The following FCGR3B variants were observed in gnomAD, a reference collection of about 807,000 sequenced individuals.
FCGR3B encodes low affinity immunoglobulin gamma Fc region receptor III-B.
FCGR3B carries 20 observed loss-of-function variants against 26.7 expected under a neutral mutation model. That is an observed-to-expected ratio of 0.75 (90% CI 0.53 to 1.09). The LOEUF is 1.09. Ranked by LOEUF, FCGR3B falls within the 50% of genes least tolerant of loss-of-function variation. FCGR3B has a pLI of 0.00. For synonymous variants in FCGR3B, 79 were observed against 107.0 expected (o/e 0.74, Z 1.62); for missense variants, 191 against 279.7 (o/e 0.68, Z 2.26).
At chr1:161,631,326 G>A, upstream of FCGR3B, 1 of 1,027,502 alleles carries the variant, frequency 9.7e-7, no homozygotes, top group Non-Finnish European at 1.4e-6. Context: ...AGGTGGGTGG[G>A]TGTGCCCCCT....
In FCGR3B at chr1:161,624,309, T is replaced by C. The variant is rs1397451987; in HGVS notation, c.*206A>G. The C allele has an allele frequency of 9.7e-6, 6 of 617,892 alleles. No homozygotes were observed. The highest frequency in any genetic ancestry group is 2.9e-5 in the East Asian group (1 of 34,804). The allele number at this position is 617,892 out of a possible 1,614,324, so 38.3% of individuals were successfully genotyped here. A position where few individuals can be genotyped will look rare whatever the true frequency, so the allele number is the denominator to read the frequency against. On this transcript the variant is annotated 3_prime_UTR_variant, in exon 5 of 5. Transcript: ENST00000650385. ...CCTTCCACTGGAGACCAAGGAAAAATCGAGAGTTGGATAAAGGATCTGGCT... is the reference window on the plus strand; with the variant it reads ...CCTTCCACTGGAGACCAAGGAAAAACCGAGAGTTGGATAAAGGATCTGGCT...
In FCGR3B at chr1:161,626,238, C is replaced by T. The variant is rs200914601; in HGVS notation, c.484G>A (p.Ala162Thr). The change falls in exon 4 of 5, where the codon GCC (alanine) becomes ACC (threonine). Residue 162 changes from alanine to threonine, a missense_variant. Transcript: ENST00000650385. The stretch of plus-strand genomic sequence containing the variant: ...TAGGAGCCGCTATCTTTGAGTGTGG[C>T]TTTTGGAATGTGGAAGTCAGAATTA... Reference protein sequence around the residue: ...HHNSDFHIPKATLKDSGSYFC... With the variant: ...HHNSDFHIPKTTLKDSGSYFC... 6.2e-7 allele frequency: 1 copy of T among 1,608,668 alleles called. No individual in the cohort carries two copies. Among genetic ancestry groups the T allele is most frequent in the Admixed American group, 1.7e-5 (1 of 59,620 alleles).
intron 3 of FCGR3B, among the ~76,000 whole-genome samples, chr1:161,627,605 C>A (rs567629459): frequency 3.3e-5 from 5 of 150,392 alleles, no homozygotes; most frequent in Admixed American, 2.7e-4. Flanking sequence ...AAGCCATGTG[C>A]CTATCTATCC....
At position 161,630,811 on chromosome 1, in the gene FCGR3B, T is replaced by G. The variant is rs513491; in HGVS notation, c.40+244A>C. Reference sequence around the variant, plus strand: ...CTAGTCGAAGCTCTTTGGTTCCACATAGTGATTCTGGGACCCAGAGGGGTG... The same window carrying G: ...CTAGTCGAAGCTCTTTGGTTCCACAGAGTGATTCTGGGACCCAGAGGGGTG... On this transcript the variant is annotated intron_variant, in intron 1 of 4. Coordinates refer to ENST00000650385, the MANE Select transcript of FCGR3B (RefSeq NM_001244753.2). The G allele has an allele frequency of 3.7e-4, 320 of 860,144 alleles. 4 individuals carry two copies. Among genetic ancestry groups the G allele is most frequent in the African/African-American group, 2.9e-3 (163 of 55,324 alleles). 53.3% of individuals were successfully genotyped at this position (860,144 alleles called of 1,614,324 possible). A position where few individuals can be genotyped will look rare whatever the true frequency, so the allele number is the denominator to read the frequency against.
chr1:161,624,150 C>T lies in FCGR3B; in HGVS notation c.*365G>A. ...TTTTGTATGTTTAAAGGATTACCAT[C>T]CCTAGCCTGTATTGTTGCTTTGCTG... On this transcript the variant is annotated 3_prime_UTR_variant, in exon 5 of 5. Coordinates refer to ENST00000650385, the MANE Select transcript of FCGR3B (RefSeq NM_001244753.2). The T allele has an allele frequency of 8.9e-6, 2 of 225,446 alleles. No homozygotes were observed. Among genetic ancestry groups the T allele is most frequent in the Non-Finnish European group, 1.8e-5 (2 of 113,670 alleles). The allele number at this position is 225,446 out of a possible 1,614,324, so 14.0% of individuals were successfully genotyped here. A position where few individuals can be genotyped will look rare whatever the true frequency, so the allele number is the denominator to read the frequency against.
At position 161,625,066 on chromosome 1, in the gene FCGR3B, C is replaced by T. The variant is rs1457877154; in HGVS notation, c.578-427G>A. 2.8e-5 allele frequency among the ~76,000 whole-genome samples: 4 copies of T among 144,730 alleles called. 1 individual carries two copies. The highest frequency in any genetic ancestry group is 6.2e-5 in the Non-Finnish European group (4 of 65,038). 94.9% of individuals were successfully genotyped at this position (144,730 alleles called of 152,430 possible). A position where few individuals can be genotyped will look rare whatever the true frequency, so the allele number is the denominator to read the frequency against. On this transcript the variant is annotated intron_variant, in intron 4 of 4. Coordinates refer to ENST00000650385, the MANE Select transcript of FCGR3B (RefSeq NM_001244753.2). ...TGACCAGAATAGTATAAAGAAATCT[C>T]GTATATCCTTTACCCAGATCCACTC...
chr1:161,631,517 G>T (rs1291935219), upstream of FCGR3B: 6 of 460,974 alleles, frequency 1.3e-5, no homozygotes, highest in Admixed American at 1.5e-4. Context: ...TTCTCTGAGG[G>T]CTTCCTGCAT....
chr1:161,630,826 C>T (rs1352671207), intron 1 of FCGR3B: 8 of 1,000,340 alleles, frequency 8.0e-6, no homozygotes, highest in Non-Finnish European at 1.1e-5. Context: ...ATTCTGGGAC[C>T]CAGAGGGGTG....
At chr1:161,626,478 C>A in intron 3 of FCGR3B, 76 bp from the exon 4 acceptor site, 2 of 1,320,954 alleles carry the variant, frequency 1.5e-6, no homozygotes, top group Non-Finnish European at 2.1e-6. Context: ...GGCCACGTAC[C>A]ACCCAGATCC....
chr1:161,625,171 G>T (rs1256188364), intron 4 of FCGR3B, among the ~76,000 whole-genome samples: 1 of 121,620 alleles, frequency 8.2e-6, no homozygotes, highest in Non-Finnish European at 1.8e-5. Flanking sequence ...AGTTTAAAGT[G>T]TCATGAAATT....
At chr1:161,625,506 T>A (rs1300165471) in intron 4 of FCGR3B, among the ~76,000 whole-genome samples, 1 of 87,046 alleles carries the variant, frequency 1.1e-5, no homozygotes, top group Non-Finnish European at 2.3e-5. Flanking sequence ...GCACCTCGGT[T>A]ACTTCATCTG....
intron 4 of FCGR3B, 138 bp from the exon 5 acceptor site, chr1:161,624,777 G>C: frequency 1.2e-6 from 1 of 810,844 alleles, no homozygotes; most frequent in East Asian, 2.6e-5. Flanking sequence ...AGGTCTGGGG[G>C]AAAGTATTGC....
chr1:161,628,007 C>T (rs1679551605), intron 3 of FCGR3B, among the ~76,000 whole-genome samples: 1 of 150,178 alleles, frequency 6.7e-6, no homozygotes, highest in Non-Finnish European at 1.5e-5. Flanking sequence ...GGCGCGGTGG[C>T]TCACATCTGT....
Position 161,631,140 on chromosome 1 carries a change from TA to T in FCGR3B, c.-47del, listed in dbSNP as rs1250571609. ...AAGTCACCAAAGATATCCGGAGCCCTAAAGGGACCAAGCCGACTAGACAGGA... is the reference window on the plus strand; with the variant it reads ...AAGTCACCAAAGATATCCGGAGCCCTAAGGGACCAAGCCGACTAGACAGGA... On this transcript the variant is annotated 5_prime_UTR_variant, in exon 1 of 5. Transcript: ENST00000650385. 2 of 1,607,642 alleles carry T rather than the reference TA, an allele frequency of 1.2e-6. 1 individual carries two copies. The highest frequency in any genetic ancestry group is 2.7e-5 in the African/African-American group (2 of 73,244).
Position 161,630,359 on chromosome 1 carries a change from C to T in FCGR3B, c.61+9G>A, listed in dbSNP as rs756888991. The stretch of plus-strand genomic sequence containing the variant: ...ACTGGGTCAATCCAAGACCATGAAG[C>T]TGACTCACCAGTCCGCATGCCAGCT... On this transcript the variant is annotated intron_variant, in intron 2 of 4. Coordinates refer to ENST00000650385, the MANE Select transcript of FCGR3B (RefSeq NM_001244753.2). The T allele has an allele frequency of 1.9e-6, 3 of 1,603,726 alleles. No homozygotes were observed. Among genetic ancestry groups the T allele is most frequent in the African/African-American group, 2.8e-5 (2 of 72,196 alleles).
At chr1:161,630,540 C>T in intron 1 of FCGR3B, 152 bp from the exon 2 acceptor site, 1 of 710,222 alleles carries the variant, frequency 1.4e-6, no homozygotes, top group Non-Finnish European at 2.5e-6. Flanking sequence ...ACCTTGCTAC[C>T]TGCTCTCTGG....
At chr1:161,630,691 C>T in intron 1 of FCGR3B, 1 of 546,328 alleles carries the variant, frequency 1.8e-6, no homozygotes, top group Non-Finnish European at 3.2e-6. Flanking sequence ...CAGAAAGAGC[C>T]TCAACCCATA....
chr1:161,631,384 A>C (rs1417469191), upstream of FCGR3B: 1 of 634,050 alleles, frequency 1.6e-6, no homozygotes, highest in African/African-American at 1.9e-5. Context: ...CACACACAGA[A>C]TCTGCCAGAG....
chr1:161,628,129 C>T (rs766888549), intron 3 of FCGR3B, among the ~76,000 whole-genome samples: 18 of 149,650 alleles, frequency 1.2e-4, no homozygotes, highest in Non-Finnish European at 2.4e-4. Context: ...AAAAATTAGC[C>T]GGGCGTGGTG....
Sources: allele counts gnomAD v4.1 joint callset (sites outside exome capture counted in the v4.1 genomes callset), GRCh38; gene constraint gnomAD v4.1.1; transcripts MANE v1.5; gene names NCBI Gene and HGNC (gene_info 2026-07-23, HGNC 2026-07-21).